The following ERN1 variants were observed in gnomAD, a reference collection of about 807,000 sequenced individuals.
ERN1 encodes the protein serine/threonine-protein kinase/endoribonuclease IRE1.
ERN1 carries 39 observed loss-of-function variants against 113.1 expected under a neutral mutation model. The observed-to-expected ratio is 0.34, with a 90% CI of 0.27 to 0.45. The LOEUF is 0.45. ERN1 is among the 20% of genes least tolerant of loss of function. ERN1 has a pLI of 1.00. For synonymous variants in ERN1, 507 were observed against 515.9 expected (o/e 0.98, Z 0.23); for missense variants, 976 against 1,274.8 (o/e 0.77, Z 3.57).
At position 64,055,926 on chromosome 17, in the gene ERN1, AGCT is replaced by A. The variant is rs1567863651; in HGVS notation, c.1418_1420del (p.Gln473del). ...TTCCTTCTGGAACTGCTGGTGCTGG[AGCT>A]GCTGCTGCTGATGCATGCTCTGGGA... On this transcript the variant is annotated inframe_deletion, in exon 13 of 22. Coordinates refer to ENST00000433197, the MANE Select transcript of ERN1 (RefSeq NM_001433.5). The A allele has an allele frequency of 6.5e-7, 1 of 1,547,394 alleles. No individual in the cohort carries two copies. Among genetic ancestry groups the A allele is most frequent in the Non-Finnish European group, 8.7e-7 (1 of 1,145,310 alleles).
At chr17:64,122,701 G>A (rs754518924) in intron 1 of ERN1, among the ~76,000 whole-genome samples, 9 of 152,226 alleles carry the variant, frequency 5.9e-5, no homozygotes, top group Non-Finnish European at 1.0e-4. Context: ...AAAGTGTAGT[G>A]TGAATCATGT....
At chr17:64,086,874 G>T (rs1199257633) in intron 2 of ERN1, among the ~76,000 whole-genome samples, 5 of 151,694 alleles carry the variant, frequency 3.3e-5, no homozygotes, top group African/African-American at 1.2e-4. Flanking sequence ...TTGAATTCCT[G>T]ACCTCGTGAT....
intron 6 of ERN1, among the ~76,000 whole-genome samples, chr17:64,068,772 T>G (rs1299043997): frequency 6.6e-6 from 1 of 151,870 alleles, no homozygotes; most frequent in Non-Finnish European, 1.5e-5. Flanking sequence ...CTATTGAAAA[T>G]GGAAAAGGGG....
At chr17:64,095,158 G>A (rs779355889) in intron 2 of ERN1, among the ~76,000 whole-genome samples, 1 of 152,110 alleles carries the variant, frequency 6.6e-6, no homozygotes, top group Admixed American at 6.5e-5. Context: ...AAATTATTAG[G>A]CTGGGCACAG....
Position 64,041,060 on chromosome 17 carries a change from AT to A in ERN1, c.*2927del, listed in dbSNP as rs1912322134. 1 of 152,258 alleles carries A rather than the reference AT, an allele frequency of 6.6e-6. No individual in the cohort carries two copies. Among genetic ancestry groups the A allele is most frequent in the Non-Finnish European group, 1.5e-5 (1 of 68,086 alleles). The allele number at this position is 152,258 out of a possible 1,614,324, so 9.4% of individuals were successfully genotyped here. On this transcript the variant is annotated 3_prime_UTR_variant, in exon 22 of 22. Coordinates refer to ENST00000433197, the MANE Select transcript of ERN1 (RefSeq NM_001433.5). ...CTACTCGGGAGGCTGAGGCAGGAGA[AT>A]TGCTTGAACCAAGGAGGCGGAGGTT...
chr17:64,052,874 A>C lies in ERN1; in HGVS notation c.2159T>G (p.Val720Gly). 1 of 1,613,988 alleles carries C rather than the reference A, an allele frequency of 6.2e-7. No individual in the cohort carries two copies. Among genetic ancestry groups the C allele is most frequent in the Non-Finnish European group, 8.5e-7 (1 of 1,179,892 alleles). ...TCGGCGGCTGAAACTGTGTCTGCCC[A>C]CTGCCAGCTTCTTGCAGAGGCCAAA... is the stretch of plus-strand genomic sequence containing the variant. ...SDFGLCKKLA[V>G]GRHSFSRRSG... Residue 720 changes from valine (V) to glycine (G), a missense_variant, in exon 17 of 22, where the codon GTG becomes GGG. By Grantham distance (109) the Val-to-Gly change is moderately radical. Coordinates refer to ENST00000433197, the MANE Select transcript of ERN1 (RefSeq NM_001433.5).
chr17:64,109,657 A>C (rs1914622035), intron 1 of ERN1, among the ~76,000 whole-genome samples: 4 of 152,198 alleles, frequency 2.6e-5, no homozygotes, highest in Non-Finnish European at 5.9e-5. Context: ...TTTGAGATGA[A>C]AAGGACCGAA....
In ERN1 at chr17:64,078,620, T is replaced by C. The variant is rs116372445; in HGVS notation, c.282+1042A>G. ...TTCACATTTAGATGTGTGATCTATC[T>C]GGAACTGATTTTATATGTGTTGTAG... On this transcript the variant is annotated intron_variant, in intron 4 of 21. Transcript: ENST00000433197. 6.0e-3 allele frequency among the ~76,000 whole-genome samples: 908 copies of C among 152,342 alleles called. 7 individuals are homozygous for C. The highest frequency in any genetic ancestry group is 0.021 in the African/African-American group (872 of 41,566).
chr17:64,101,553 A>G (rs1448792500), intron 1 of ERN1, among the ~76,000 whole-genome samples: 2 of 152,222 alleles, frequency 1.3e-5, no homozygotes, highest in African/African-American at 4.8e-5. Flanking sequence ...CAAAGTAGAA[A>G]GGAGATGGAC....
chr17:64,108,948 C>G (rs920381649), intron 1 of ERN1, among the ~76,000 whole-genome samples: 5 of 152,122 alleles, frequency 3.3e-5, no homozygotes, highest in African/African-American at 1.2e-4. Flanking sequence ...CATGGGGAAA[C>G]CCCGTCTCTA....
At chr17:64,080,406 C>A in intron 3 of ERN1, 2 of 197,450 alleles carry the variant, frequency 1.0e-5, no homozygotes, top group Non-Finnish European at 1.0e-5. Context: ...CTTACCAGTG[C>A]TATCCAGCTT....
chr17:64,068,250 G>A lies in ERN1; in HGVS notation c.520C>T (p.Arg174Trp), dbSNP rs369096989. ...TAGTCAAAGTAGGTGGCATTCCACC[G>A]GAGCTCTCGGGTTTTGGTGTCGTAC... ...TMYDTKTREL[R>W]WNATYFDYAA... Residue 174 changes from arginine to tryptophan, a missense_variant, in exon 7 of 22, where the codon CGG (arginine) becomes TGG (tryptophan). This residue lies in a region of ERN1 where 459 missense variants were observed against 581.2 expected (regional missense o/e 0.79). Transcript: ENST00000433197. 160 of 1,612,770 alleles carry A rather than the reference G, an allele frequency of 9.9e-5. 1 individual carries two copies. The highest frequency in any genetic ancestry group is 1.3e-4 in the Non-Finnish European group (152 of 1,179,422).
At chr17:64,102,651 C>T (rs1451529289) in intron 1 of ERN1, 1 of 984,848 alleles carries the variant, frequency 1.0e-6, no homozygotes, top group Admixed American at 6.1e-5. Context: ...TGATACTGAG[C>T]ACAGCTGAGA....
At chr17:64,123,048 TA>T (rs1914992254) in intron 1 of ERN1, among the ~76,000 whole-genome samples, 1 of 152,266 alleles carries the variant, frequency 6.6e-6, no homozygotes, top group South Asian at 2.1e-4. Context: ...TCCAGGTAGA[TA>T]ATCCCAGCAA....
At chr17:64,087,464 A>C (rs1598070859) in intron 2 of ERN1, among the ~76,000 whole-genome samples, 1 of 152,128 alleles carries the variant, frequency 6.6e-6, no homozygotes, top group Admixed American at 6.5e-5. Flanking sequence ...AGTGGGTCCC[A>C]CTTCCACCCA....
At chr17:64,058,927 C>T (rs196935) in intron 11 of ERN1, among the ~76,000 whole-genome samples, 145,534 of 152,152 alleles carry the variant, frequency 0.96, 69,954 homozygotes, top group East Asian at 1. Flanking sequence ...ATAGGAAGCA[C>T]CTGGGCATGT....
chr17:64,129,651 C>G, intron 1 of ERN1: 1 of 370,526 alleles, frequency 2.7e-6, no homozygotes, highest in East Asian at 3.9e-5. Flanking sequence ...CCTTCTGGGA[C>G]CCCCAAGTGC....
At chr17:64,108,985 G>A (rs549969782) in intron 1 of ERN1, among the ~76,000 whole-genome samples, 9 of 152,208 alleles carry the variant, frequency 5.9e-5, no homozygotes, top group African/African-American at 1.7e-4. Context: ...TTAGCTGGGC[G>A]TGGTGGCGGG....
intron 1 of ERN1, among the ~76,000 whole-genome samples, chr17:64,112,875 G>A (rs576063908): frequency 1.4e-3 from 215 of 152,312 alleles, no homozygotes; most frequent in African/African-American, 5.1e-3. Flanking sequence ...CTGAGGCCTG[G>A]TGTGAGGCTC....
Sources: gnomAD v4.1 joint callset for allele counts (sites outside exome capture counted in the v4.1 genomes callset) on GRCh38, gnomAD v4.1.1 for gene constraint, gnomAD v4.1.1 regional missense constraint, MANE v1.5 for transcripts, NCBI Gene and HGNC (gene_info 2026-07-23, HGNC 2026-07-21) for gene names.